ATG10: variants seen among roughly 807,000 people sequenced by gnomAD.
ATG10 encodes autophagy related 10, also known as ubiquitin-like-conjugating enzyme ATG10.
Under a neutral mutation model 32.1 loss-of-function variants are expected in ATG10, and 30 were observed. The ratio of observed to expected loss-of-function variants is 0.94; its 90% CI spans 0.70 to 1.27. The LOEUF is 1.27. Among genes scored for constraint, ATG10 ranks in the 50% most tolerant of loss-of-function variants. The pLI, the probability that ATG10 is intolerant of heterozygous loss-of-function variation, is 0.00. For synonymous variants in ATG10, 87 were observed against 91.5 expected (o/e 0.95, Z 0.28); for missense variants, 233 against 262.3 (o/e 0.89, Z 0.77).
intron 4 of ATG10, among the ~76,000 whole-genome samples, chr5:82,166,853 C>T (rs912275435): frequency 6.6e-6 from 1 of 152,066 alleles, no homozygotes; most frequent in African/African-American, 2.4e-5. Context: ...AAAAATAGTT[C>T]ACTTAGCCTT....
chr5:82,053,341 T>C (rs889195747), intron 2 of ATG10, among the ~76,000 whole-genome samples: 1 of 152,182 alleles, frequency 6.6e-6, no homozygotes, highest in African/African-American at 2.4e-5. Context: ...GTTGATTTGG[T>C]GGAACTATTT....
At chr5:82,197,465 TAC>T (rs1323570094) in intron 5 of ATG10, among the ~76,000 whole-genome samples, 34 of 150,304 alleles carry the variant, frequency 2.3e-4, no homozygotes, top group Admixed American at 7.9e-4. Flanking sequence ...TCTATCTACC[TAC>T]CTACCTACCT....
At chr5:82,156,534 G>A (rs1314388201) in intron 3 of ATG10, among the ~76,000 whole-genome samples, 5 of 152,200 alleles carry the variant, frequency 3.3e-5, no homozygotes, top group Non-Finnish European at 5.9e-5. Context: ...TTACTTGCTG[G>A]AGACCTTGGG....
intron 5 of ATG10, among the ~76,000 whole-genome samples, chr5:82,205,594 G>A (rs1318386152): frequency 1.3e-5 from 2 of 152,140 alleles, no homozygotes; most frequent in Admixed American, 1.3e-4. Context: ...GGCAAGAAAG[G>A]ACATTTTATG....
At chr5:82,005,880 CT>C (rs1761975733) in intron 2 of ATG10, among the ~76,000 whole-genome samples, 1 of 152,016 alleles carries the variant, frequency 6.6e-6, no homozygotes, top group Admixed American at 6.6e-5. Context: ...GTGTGTTAGT[CT>C]TTCAGAAGAA....
At chr5:82,124,219 G>A (rs1005815837) in intron 3 of ATG10, among the ~76,000 whole-genome samples, 8 of 151,238 alleles carry the variant, frequency 5.3e-5, no homozygotes, top group African/African-American at 1.9e-4. Context: ...TAGCCAGGAT[G>A]GTCTCGATCT....
At position 82,214,585 on chromosome 5, in the gene ATG10, G is replaced by C. The variant is rs560177449; in HGVS notation, c.453+35998G>C. Among the ~76,000 whole-genome samples the C allele has an allele frequency of 2.0e-5, 3 of 152,274 alleles. No individual in the cohort carries two copies. The East Asian group carries it at 5.8e-4, about 29-fold the overall frequency. On this transcript the variant is annotated intron_variant, in intron 5 of 7. Transcript: ENST00000282185. ...CTCATTCTTACGTTTATGTGTAAAA[G>C]AATTTGAGAATGAAAATAGCACTAC...
At chr5:82,175,586 GT>G (rs1260165587) in intron 4 of ATG10, among the ~76,000 whole-genome samples, 12 of 151,546 alleles carry the variant, frequency 7.9e-5, no homozygotes, top group Admixed American at 6.6e-4. Flanking sequence ...AGTTATGTGT[GT>G]TTTTTTTTAG....
chr5:82,041,802 G>GT (rs917959365), intron 2 of ATG10, among the ~76,000 whole-genome samples: 67 of 146,226 alleles, frequency 4.6e-4, no homozygotes, highest in East Asian at 9.9e-4. Flanking sequence ...GATTTTTTCA[G>GT]TTTTTTTTTT....
At chr5:82,106,385 C>G (rs954660102) in intron 3 of ATG10, among the ~76,000 whole-genome samples, 1 of 151,958 alleles carries the variant, frequency 6.6e-6, no homozygotes, top group Non-Finnish European at 1.5e-5. Context: ...GGTATGAAGC[C>G]GTATTTGAGA....
intron 2 of ATG10, among the ~76,000 whole-genome samples, chr5:82,018,468 T>G (rs1410694450): frequency 6.6e-6 from 1 of 152,244 alleles, no homozygotes; most frequent in Non-Finnish European, 1.5e-5. Flanking sequence ...CAAGTCAGAT[T>G]GTGTCACTTC....
chr5:82,115,688 C>T (rs1004781946), intron 3 of ATG10, among the ~76,000 whole-genome samples: 1 of 152,050 alleles, frequency 6.6e-6, no homozygotes, highest in East Asian at 1.9e-4. Context: ...GCTTCATGAC[C>T]TTTGGCAAGT....
chr5:82,044,821 T>C (rs1461977637), intron 2 of ATG10, among the ~76,000 whole-genome samples: 2 of 152,226 alleles, frequency 1.3e-5, no homozygotes, highest in Non-Finnish European at 2.9e-5. Flanking sequence ...TTTTTACTGT[T>C]TCTTGCTAGG....
intron 3 of ATG10, among the ~76,000 whole-genome samples, chr5:82,091,189 C>A (rs1317561624): frequency 2.0e-5 from 3 of 152,124 alleles, no homozygotes; most frequent in African/African-American, 7.2e-5. Flanking sequence ...TTTCTTGGGA[C>A]CCCATCTAGG....
chr5:81,994,405 A>T (rs1761601846), intron 2 of ATG10, among the ~76,000 whole-genome samples: 1 of 152,342 alleles, frequency 6.6e-6, no homozygotes, highest in Middle Eastern at 3.4e-3. Context: ...AAACAAAAAA[A>T]TGTATCATCA....
chr5:82,193,145 A>C (rs1415449021), intron 5 of ATG10, among the ~76,000 whole-genome samples: 1 of 152,196 alleles, frequency 6.6e-6, no homozygotes, highest in Non-Finnish European at 1.5e-5. Context: ...TGCCATTAGC[A>C]GTTGCATTCT....
intron 1 of ATG10, among the ~76,000 whole-genome samples, chr5:81,984,321 G>T (rs1172968221): frequency 1.3e-5 from 2 of 152,244 alleles, no homozygotes; most frequent in Admixed American, 6.5e-5. Context: ...CAGGCACTCC[G>T]CAGGCTGAGG....
At chr5:82,121,020 A>G (rs1475090622) in intron 3 of ATG10, among the ~76,000 whole-genome samples, 1 of 152,230 alleles carries the variant, frequency 6.6e-6, no homozygotes, top group Non-Finnish European at 1.5e-5. Flanking sequence ...TGATAAAACT[A>G]TATTCAGTAA....
At chr5:82,129,514 C>T (rs1229876428) in intron 3 of ATG10, among the ~76,000 whole-genome samples, 2 of 152,060 alleles carry the variant, frequency 1.3e-5, no homozygotes, top group South Asian at 2.1e-4. Context: ...TGAAGCCCTT[C>T]GGATGGGGTT....
Sources: allele counts gnomAD v4.1 joint callset (sites outside exome capture counted in the v4.1 genomes callset), GRCh38; gene constraint gnomAD v4.1.1; transcripts MANE v1.5; gene names NCBI Gene and HGNC (gene_info 2026-07-23, HGNC 2026-07-21).